Variants in CEP290 observed in about 807,000 individuals in gnomAD.
CEP290 encodes centrosomal protein 290, also known as centrosomal protein of 290 kDa.
In CEP290, 317 loss-of-function variants were observed where a neutral mutation model predicts 344.9. The observed-to-expected ratio is 0.92, with a 90% confidence interval of 0.84 to 1.01. CEP290 has a LOEUF of 1.01. Among genes scored for constraint, CEP290 ranks in the 50% least tolerant of loss-of-function variants. CEP290 has a pLI of 0.00. For missense variants in CEP290, 2,754 were observed against 2,761.4 expected (o/e 1.00, Z 0.06); for synonymous variants, 932 against 895.8 (o/e 1.04, Z -0.72).
chr12:88,066,278 C>A (rs1279915627), intron 44 of CEP290, among the ~76,000 whole-genome samples: 1 of 152,076 alleles, frequency 6.6e-6, no homozygotes, highest in African/African-American at 2.4e-5. Flanking sequence ...TAGAGTTAGA[C>A]TGATATTCTG....
intron 18 of CEP290, chr12:88,115,763 C>G (rs1384583759): frequency 1.0e-6 from 1 of 973,778 alleles, no homozygotes; most frequent in African/African-American, 1.8e-5. Context: ...GAGAAAAACT[C>G]ACCTGAGATC....
At chr12:88,056,046 A>G (rs534627786) in intron 49 of CEP290, among the ~76,000 whole-genome samples, 2 of 152,272 alleles carry the variant, frequency 1.3e-5, no homozygotes, top group East Asian at 3.9e-4. Flanking sequence ...AAAATTCTGT[A>G]TTACTAGATA....
chr12:88,140,035 C>G (rs1437848497), intron 3 of CEP290, among the ~76,000 whole-genome samples: 1 of 152,124 alleles, frequency 6.6e-6, no homozygotes, highest in African/African-American at 2.4e-5. Flanking sequence ...GGATTACAGA[C>G]GTGAGCCACC....
At position 88,064,079 on chromosome 12, in the gene CEP290, C is replaced by T. The variant is rs1332121120; in HGVS notation, c.6172G>A (p.Glu2058Lys). Residue 2058 changes from glutamate to lysine, a missense_variant, in exon 45 of 54, where the codon GAA (glutamate) becomes AAA (lysine). Glu to Lys is a moderately conservative substitution (Grantham distance 56). Transcript: ENST00000552810. ...GIESDDHCQR[E>K]QELQKENLKL... ...AAGTTTTCCTTCTGAAGCTCCTGTT[C>T]TCTCTGACAATGATCATCTGACTCT... 2 of 1,582,464 alleles carry T rather than the reference C, an allele frequency of 1.3e-6. No homozygotes were observed. The highest frequency in any genetic ancestry group is 2.3e-5 in the East Asian group (1 of 43,964).
chr12:88,095,206 A>C (rs2037340825), intron 27 of CEP290, among the ~76,000 whole-genome samples: 1 of 152,168 alleles, frequency 6.6e-6, no homozygotes, highest in Non-Finnish European at 1.5e-5. Flanking sequence ...TTAGAAGAGA[A>C]AAGCACATCA....
At position 88,121,574 on chromosome 12, in the gene CEP290, C is replaced by T. The variant is rs542886272; in HGVS notation, c.1190-408G>A. ...CACAAGCAGCTATGTGTGGTCATGT[C>T]AGTAATGGAATATAAACGCAAAGTT... is the stretch of plus-strand genomic sequence containing the variant. On this transcript the variant is annotated intron_variant, in intron 13 of 53. Coordinates refer to ENST00000552810, the MANE Select transcript of CEP290 (RefSeq NM_025114.4). Among the ~76,000 whole-genome samples the T allele has an allele frequency of 8.1e-4, 113 of 139,414 alleles. 2 individuals carry two copies. In the South Asian group the frequency reaches 0.012, roughly 15 times the overall value. 91.5% of individuals were successfully genotyped at this position (139,414 alleles called of 152,430 possible). A position where few individuals can be genotyped will look rare whatever the true frequency, so the allele number is the denominator to read the frequency against.
intron 28 of CEP290, 110 bp from the exon 29 acceptor site, chr12:88,092,942 T>A: frequency 1.0e-6 from 1 of 968,950 alleles, no homozygotes; most frequent in African/African-American, 1.6e-5. Flanking sequence ...TTAGTTCACA[T>A]ATTATATTAA....
intron 18 of CEP290, among the ~76,000 whole-genome samples, chr12:88,116,432 T>C (rs968330451): frequency 6.6e-6 from 1 of 152,212 alleles, no homozygotes; most frequent in Non-Finnish European, 1.5e-5. Flanking sequence ...TTCTTGATAA[T>C]GATCCTATGG....
chr12:88,059,500 C>A (rs530560317), intron 48 of CEP290, among the ~76,000 whole-genome samples: 2 of 151,876 alleles, frequency 1.3e-5, no homozygotes, highest in Admixed American at 6.6e-5. Flanking sequence ...CTCTGCCTCC[C>A]GGGTTCAAGC....
At chr12:88,116,960 C>T (rs1389752980) in intron 18 of CEP290, 73 bp downstream of exon 18, 26 of 743,470 alleles carry the variant, frequency 3.5e-5, no homozygotes, top group Admixed American at 3.0e-4. Flanking sequence ...GGAGACAGAG[C>T]GAGACTCCGT....
rs1356145243 is a variant in CEP290, at chr12:88,089,444, T to C, written c.3617A>G (p.His1206Arg). Reference sequence around the variant, plus strand: ...CTCACTCAGTTGAAGAGAGACATTATGTTGGTGCAACTTGGCAATGAGCGA... The same window carrying C: ...CTCACTCAGTTGAAGAGAGACATTACGTTGGTGCAACTTGGCAATGAGCGA... ...EKSLIAKLHQ[H>R]NVSLQLSEAT... Residue 1206 changes from histidine to arginine, a missense_variant, in exon 31 of 54, where the codon CAT becomes CGT. His to Arg is a conservative substitution (Grantham distance 29). Transcript: ENST00000552810. 1.0e-5 allele frequency: 16 copies of C among 1,589,936 alleles called. No individual in the cohort carries two copies. Among genetic ancestry groups the C allele is most frequent in the Middle Eastern group, 1.7e-4 (1 of 6,026 alleles).
At chr12:88,053,832 A>T (rs2033772410) in intron 51 of CEP290, 86 bp from the exon 52 acceptor site, 1 of 661,464 alleles carries the variant, frequency 1.5e-6, no homozygotes, top group African/African-American at 1.8e-5. Flanking sequence ...CTAGTGATGT[A>T]CAGTAATCAG....
intron 43 of CEP290, among the ~76,000 whole-genome samples, chr12:88,071,076 T>C (rs1185954531): frequency 1.3e-5 from 2 of 152,110 alleles, no homozygotes; most frequent in East Asian, 1.9e-4. Context: ...CATTTTCCCA[T>C]AGAATTTAAA....
chr12:88,103,061 C>G lies in CEP290; in HGVS notation c.2818-50G>C, dbSNP rs2471532. 1,152,472 of 1,280,644 alleles carry G rather than the reference C, an allele frequency of 0.9. 526,839 individuals are homozygous for G. Among genetic ancestry groups the G allele is most frequent in the East Asian group, 0.95 (31,681 of 33,336 alleles). 79.3% of individuals were successfully genotyped at this position (1,280,644 alleles called of 1,614,324 possible). A position where few individuals can be genotyped will look rare whatever the true frequency, so the allele number is the denominator to read the frequency against. On this transcript the variant is annotated intron_variant, in intron 25 of 53. Transcript: ENST00000552810. ...TTATGCTGGTGTCTTTTTTTCTGGT[C>G]AAGCACTAGCCACTTTTGAGAAAGA...
intron 13 of CEP290, among the ~76,000 whole-genome samples, chr12:88,124,563 CATGTATATATATGTGTATAT>C (rs1167376821): frequency 6.6e-6 from 1 of 151,530 alleles, no homozygotes; most frequent in African/African-American, 2.4e-5. Flanking sequence ...ACACATATGA[CATGTATATATATGTGTATAT>C]ATGTATATAT....
chr12:88,083,387 CAG>C (rs1357745056), intron 36 of CEP290, among the ~76,000 whole-genome samples, 157 bp from the exon 37 acceptor site: 2 of 152,140 alleles, frequency 1.3e-5, no homozygotes, highest in Non-Finnish European at 2.9e-5. Flanking sequence ...ACAGGAAATG[CAG>C]ACTTTATTAT....
intron 43 of CEP290, 28 bp downstream of exon 43, chr12:88,071,266 G>T: frequency 6.4e-7 from 1 of 1,567,332 alleles, no homozygotes; most frequent in Non-Finnish European, 8.7e-7. Flanking sequence ...CATTACAATG[G>T]GTGGCACATT....
At chr12:88,071,641 AAAGT>A (rs1263591780) in intron 42 of CEP290, 136 bp downstream of exon 42, 4 of 853,250 alleles carry the variant, frequency 4.7e-6, no homozygotes, top group South Asian at 2.1e-5. Context: ...AAGAAAATAA[AAAGT>A]AAGTAAATCA....
intron 44 of CEP290, 60 bp from the exon 45 acceptor site, chr12:88,064,175 C>T (rs1040476396): frequency 2.9e-6 from 4 of 1,371,908 alleles, no homozygotes; most frequent in African/African-American, 1.5e-5. Flanking sequence ...CCATAAAAGA[C>T]ATACTGGATA....
Sources: gnomAD v4.1 joint callset for allele counts (sites outside exome capture counted in the v4.1 genomes callset) on GRCh38, gnomAD v4.1.1 for gene constraint, MANE v1.5 for transcripts, NCBI Gene and HGNC (gene_info 2026-07-23, HGNC 2026-07-21) for gene names.